The following NRXN1 variants were observed in gnomAD, a reference collection of about 807,000 sequenced individuals.
NRXN1 encodes the protein neurexin 1.
In NRXN1, 39 loss-of-function variants were observed where a neutral mutation model predicts 150.9. The ratio of observed to expected loss-of-function variants is 0.26; its 90% CI spans 0.20 to 0.34. The LOEUF (loss-of-function observed/expected upper bound fraction) is 0.34, where lower values mean the gene tolerates loss of function less well. NRXN1 is among the 10% of genes least tolerant of loss of function. NRXN1 has a pLI of 1.00. For missense variants in NRXN1, 1,815 were observed against 1,949.9 expected (o/e 0.93, Z 1.30); for synonymous variants, 924 against 757.0 (o/e 1.22, Z -3.62).
intron 2 of NRXN1, among the ~76,000 whole-genome samples, chr2:50,975,588 T>C (rs1695694350): frequency 6.6e-6 from 1 of 152,156 alleles, no homozygotes; most frequent in Non-Finnish European, 1.5e-5. Context: ...AGTCTCATTT[T>C]ATAGTATACT....
intron 17 of NRXN1, among the ~76,000 whole-genome samples, chr2:50,397,803 G>A: frequency 6.6e-6 from 1 of 152,040 alleles, no homozygotes; most frequent in East Asian, 1.9e-4. Context: ...TTTTACTGGT[G>A]TTAGTTATTG....
intron 5 of NRXN1, among the ~76,000 whole-genome samples, chr2:50,849,662 A>C (rs1674219283): frequency 6.6e-6 from 1 of 152,070 alleles, no homozygotes; most frequent in Non-Finnish European, 1.5e-5. Flanking sequence ...AATAATCTTA[A>C]GTCTTCCTTA....
chr2:50,760,983 C>G (rs1701737976), intron 5 of NRXN1, among the ~76,000 whole-genome samples: 1 of 151,888 alleles, frequency 6.6e-6, no homozygotes, highest in Non-Finnish European at 1.5e-5. Flanking sequence ...TAACCATGAC[C>G]CAAACCAACC....
intron 5 of NRXN1, among the ~76,000 whole-genome samples, chr2:50,646,097 T>C (rs550535941): frequency 6.6e-6 from 1 of 151,978 alleles, no homozygotes; most frequent in East Asian, 2.0e-4. Flanking sequence ...CAAAGATATA[T>C]AGAGAGGCTG....
chr2:50,239,662 G>A (rs1359963412), intron 17 of NRXN1, among the ~76,000 whole-genome samples: 1 of 47,282 alleles, frequency 2.1e-5, no homozygotes, highest in Non-Finnish European at 4.4e-5. Flanking sequence ...ACCTATTCCA[G>A]TATATATATA....
chr2:50,904,099 G>C (rs1021006637), intron 5 of NRXN1, among the ~76,000 whole-genome samples: 1 of 152,006 alleles, frequency 6.6e-6, no homozygotes, highest in African/African-American at 2.4e-5. Context: ...TCCCTCCCCA[G>C]AACCCTTAGG....
chr2:50,489,259 G>C (rs186277185), intron 15 of NRXN1, among the ~76,000 whole-genome samples: 7 of 152,288 alleles, frequency 4.6e-5, no homozygotes, highest in African/African-American at 1.7e-4. Context: ...GAAGAAACCA[G>C]CCCCAGGGCT....
At chr2:50,714,809 G>GTAGGATATGGGCAGGA (rs1001590890) in intron 5 of NRXN1, among the ~76,000 whole-genome samples, 1 of 152,148 alleles carries the variant, frequency 6.6e-6, no homozygotes, top group African/African-American at 2.4e-5. Flanking sequence ...TCCATCACCA[G>GTAGGATATGGGCAGGA]TATGAGCAGG....
At chr2:50,344,553 A>G (rs1453493946) in intron 17 of NRXN1, among the ~76,000 whole-genome samples, 1 of 152,212 alleles carries the variant, frequency 6.6e-6, no homozygotes, top group African/African-American at 2.4e-5. Flanking sequence ...TATACACACA[A>G]CAATTTTCTC....
At chr2:50,195,752 AC>A (rs2061717728) in intron 18 of NRXN1, among the ~76,000 whole-genome samples, 2 of 152,028 alleles carry the variant, frequency 1.3e-5, no homozygotes, top group Admixed American at 1.3e-4. Flanking sequence ...CACAAATACT[AC>A]CTGATAATGT....
chr2:50,321,447 C>A (rs1000018696), intron 17 of NRXN1, among the ~76,000 whole-genome samples: 2 of 152,114 alleles, frequency 1.3e-5, no homozygotes, highest in Non-Finnish European at 2.9e-5. Context: ...AAAGATTCAC[C>A]TTTTCCATCC....
At chr2:49,934,925 T>C (rs537439992) in intron 22 of NRXN1, among the ~76,000 whole-genome samples, 2 of 152,310 alleles carry the variant, frequency 1.3e-5, no homozygotes, top group South Asian at 4.1e-4. Flanking sequence ...GCTCCTGTCT[T>C]AGTGGTCACT....
chr2:50,385,031 C>A (rs1046767969), intron 17 of NRXN1, among the ~76,000 whole-genome samples: 1 of 152,176 alleles, frequency 6.6e-6, no homozygotes, highest in Non-Finnish European at 1.5e-5. Context: ...TGATCAGTCT[C>A]CTCACCATTT....
intron 5 of NRXN1, among the ~76,000 whole-genome samples, chr2:50,915,816 C>T (rs1040135659): frequency 2.7e-5 from 4 of 150,940 alleles, no homozygotes; most frequent in African/African-American, 4.8e-5. Context: ...CCTCTATGCA[C>T]TTTTGCAATT....
intron 13 of NRXN1, among the ~76,000 whole-genome samples, chr2:50,504,759 C>T (rs756248187): frequency 1.3e-5 from 2 of 152,046 alleles, no homozygotes; most frequent in African/African-American, 2.4e-5. Flanking sequence ...TGAAAGTCTA[C>T]GAAATATAAA....
chr2:50,412,069 G>T (rs918284941), intron 17 of NRXN1, among the ~76,000 whole-genome samples: 2 of 152,144 alleles, frequency 1.3e-5, no homozygotes, highest in African/African-American at 2.4e-5. Flanking sequence ...TTAAATGGAT[G>T]AAGGGCGGTG....
At chr2:50,763,664 C>A (rs554788023) in intron 5 of NRXN1, among the ~76,000 whole-genome samples, 1 of 151,842 alleles carries the variant, frequency 6.6e-6, no homozygotes, top group Non-Finnish European at 1.5e-5. Context: ...TCAAAAGATT[C>A]CTCTTTCTAG....
intron 5 of NRXN1, among the ~76,000 whole-genome samples, chr2:50,672,084 C>T (rs762257246): frequency 5.1e-4 from 78 of 151,762 alleles, no homozygotes; most frequent in Non-Finnish European, 1.3e-4. Flanking sequence ...TAATATTTAA[C>T]GATTGCTAAA....
intron 18 of NRXN1, among the ~76,000 whole-genome samples, chr2:50,163,753 C>A (rs369471960): frequency 1.3e-5 from 2 of 152,104 alleles, no homozygotes; most frequent in Non-Finnish European, 2.9e-5. Context: ...AACATATACA[C>A]GTTTTGATCT....
Sources: allele counts gnomAD v4.1 joint callset (sites outside exome capture counted in the v4.1 genomes callset), GRCh38; gene constraint gnomAD v4.1.1; transcripts MANE v1.5; gene names NCBI Gene and HGNC (gene_info 2026-07-23, HGNC 2026-07-21).